ULK4: variants seen among roughly 807,000 people sequenced by gnomAD.
ULK4 encodes the protein unc-51 like kinase 4, also known as inactive serine/threonine-protein kinase ULK4.
In ULK4, 133 loss-of-function variants were observed where a neutral mutation model predicts 160.6. The ratio of observed to expected loss-of-function variants is 0.83; its 90% CI spans 0.72 to 0.96. ULK4 has a LOEUF of 0.96. Among genes scored for constraint, ULK4 ranks in the 40% least tolerant of loss-of-function variants. The pLI, the probability that ULK4 is intolerant of heterozygous loss-of-function variation, is 0.00. For synonymous variants in ULK4, 534 were observed against 539.8 expected (o/e 0.99, Z 0.15); for missense variants, 1,580 against 1,499.5 (o/e 1.05, Z -0.89).
chr3:41,933,690 T>A (rs1318374821), intron 4 of ULK4, among the ~76,000 whole-genome samples: 1 of 150,074 alleles, frequency 6.7e-6, no homozygotes, highest in Non-Finnish European at 1.5e-5. Flanking sequence ...GAACTAAGAG[T>A]GTTGGATTTT....
intron 32 of ULK4, among the ~76,000 whole-genome samples, chr3:41,489,604 C>T (rs951286337): frequency 6.6e-6 from 1 of 152,144 alleles, no homozygotes; most frequent in African/African-American, 2.4e-5. Context: ...TAGATGCTTT[C>T]TCCCTAAGCT....
chr3:41,910,920 G>A (rs959619216), intron 11 of ULK4, among the ~76,000 whole-genome samples: 11 of 152,016 alleles, frequency 7.2e-5, no homozygotes, highest in African/African-American at 1.9e-4. Context: ...CCAAAATCAC[G>A]CCACTGCACT....
intron 35 of ULK4, among the ~76,000 whole-genome samples, chr3:41,337,214 C>T (rs1423597052): frequency 6.6e-6 from 1 of 152,024 alleles, no homozygotes; most frequent in Non-Finnish European, 1.5e-5. Context: ...TTTCTGGCTG[C>T]AAAGTATTAC....
chr3:41,450,754 C>T (rs1268457489), intron 34 of ULK4, among the ~76,000 whole-genome samples: 1 of 152,122 alleles, frequency 6.6e-6, no homozygotes, highest in Non-Finnish European at 1.5e-5. Context: ...TCCTCAATAG[C>T]CTTATTACTA....
At chr3:41,626,888 T>G (rs1052487279) in intron 30 of ULK4, among the ~76,000 whole-genome samples, 1 of 152,188 alleles carries the variant, frequency 6.6e-6, no homozygotes, top group Non-Finnish European at 1.5e-5. Flanking sequence ...GTGGCCTTGG[T>G]CTTTCTCTAT....
At chr3:41,424,836 A>G (rs2082741235) in intron 34 of ULK4, among the ~76,000 whole-genome samples, 1 of 149,882 alleles carries the variant, frequency 6.7e-6, no homozygotes, top group South Asian at 2.1e-4. Context: ...ATCATCAAAA[A>G]AAAAAAAAAA....
chr3:41,447,820 A>T (rs2083336184), intron 34 of ULK4, among the ~76,000 whole-genome samples: 1 of 152,140 alleles, frequency 6.6e-6, no homozygotes, highest in Admixed American at 6.5e-5. Context: ...GTTGTTTCAG[A>T]AACACAGGCT....
At chr3:41,698,116 G>T (rs1314726235) in intron 27 of ULK4, among the ~76,000 whole-genome samples, 1 of 152,144 alleles carries the variant, frequency 6.6e-6, no homozygotes, top group African/African-American at 2.4e-5. Context: ...TGTGTAATGG[G>T]CTATACCATC....
rs144759053 is a variant in ULK4, at chr3:41,279,636, G to T, written c.3679-30062C>A. Among the ~76,000 whole-genome samples, 327 of 152,320 alleles carry T rather than the reference G, an allele frequency of 2.1e-3. 1 individual carries two copies. Among genetic ancestry groups the T allele is most frequent in the East Asian group, 0.015 (77 of 5,188 alleles). On this transcript the variant is annotated intron_variant, in intron 35 of 36. Coordinates refer to ENST00000301831, the MANE Select transcript of ULK4 (RefSeq NM_017886.4). ...TTGGCAGAAACCCTACAAGCCAGAA[G>T]AGAATGGGGGCCAATATTCAACATT...
intron 32 of ULK4, among the ~76,000 whole-genome samples, chr3:41,467,860 G>C (rs1397124339): frequency 1.3e-5 from 2 of 152,088 alleles, no homozygotes; most frequent in African/African-American, 4.8e-5. Flanking sequence ...ACTTTGATGG[G>C]GTGTTGGTTA....
chr3:41,426,428 G>A (rs1373097742), intron 34 of ULK4, among the ~76,000 whole-genome samples: 1 of 152,162 alleles, frequency 6.6e-6, no homozygotes, highest in Non-Finnish European at 1.5e-5. Flanking sequence ...GGATTTGACA[G>A]ATATCTACAG....
At chr3:41,727,173 T>C (rs1415162717) in intron 22 of ULK4, among the ~76,000 whole-genome samples, 2 of 152,332 alleles carry the variant, frequency 1.3e-5, no homozygotes, top group African/African-American at 4.8e-5. Context: ...TATACCTCTG[T>C]GATTCTAAGG....
chr3:41,482,232 G>T (rs143308054), intron 32 of ULK4, among the ~76,000 whole-genome samples: 1 of 152,158 alleles, frequency 6.6e-6, no homozygotes, highest in African/African-American at 2.4e-5. Context: ...GTCTGCACGA[G>T]GGCACTGGCT....
At chr3:41,771,824 T>A (rs73828259) in intron 21 of ULK4, among the ~76,000 whole-genome samples, 10,659 of 152,266 alleles carry the variant, frequency 0.07, 1,168 homozygotes, top group African/African-American at 0.23. Flanking sequence ...AATTATGGAA[T>A]GTTTCAAACA....
At position 41,714,300 on chromosome 3, in the gene ULK4, T is replaced by TA. The variant is rs531477855; in HGVS notation, c.2634+936dup. Among the ~76,000 whole-genome samples, 103 of 152,332 alleles carry TA rather than the reference T, an allele frequency of 6.8e-4. 2 individuals are homozygous for TA. The East Asian group carries it at 0.018, about 27-fold the overall frequency. ...GCAACAGTCACTCAACATTTATACTTATAAACATCATACTTCACCCTATGA... is the reference window on the plus strand; with the variant it reads ...GCAACAGTCACTCAACATTTATACTTAATAAACATCATACTTCACCCTATGA... On this transcript the variant is annotated intron_variant, in intron 25 of 36. Coordinates refer to ENST00000301831, the MANE Select transcript of ULK4 (RefSeq NM_017886.4).
At chr3:41,529,105 A>G (rs923139256) in intron 32 of ULK4, among the ~76,000 whole-genome samples, 1 of 152,254 alleles carries the variant, frequency 6.6e-6, no homozygotes, top group Non-Finnish European at 1.5e-5. Flanking sequence ...CTTGGCATAC[A>G]CTTCATACTA....
intron 32 of ULK4, among the ~76,000 whole-genome samples, chr3:41,511,689 C>A (rs998057754): frequency 2.6e-5 from 4 of 152,208 alleles, no homozygotes; most frequent in South Asian, 2.1e-4. Context: ...CAGACAGATT[C>A]ACAACTGAAT....
intron 17 of ULK4, among the ~76,000 whole-genome samples, chr3:41,877,922 G>A (rs777844149): frequency 6.6e-6 from 1 of 151,762 alleles, no homozygotes; most frequent in Non-Finnish European, 1.5e-5. Context: ...CAGAGGTTGC[G>A]GTGAGCCGAG....
chr3:41,805,196 C>T (rs796892313), intron 19 of ULK4, among the ~76,000 whole-genome samples: 1 of 151,682 alleles, frequency 6.6e-6, no homozygotes, highest in Non-Finnish European at 1.5e-5. Flanking sequence ...AGAGGTCCTT[C>T]ACGTCCCTTG....
Sources: allele counts gnomAD v4.1 joint callset (sites outside exome capture counted in the v4.1 genomes callset), GRCh38; gene constraint gnomAD v4.1.1; transcripts MANE v1.5; gene names NCBI Gene and HGNC (gene_info 2026-07-23, HGNC 2026-07-21).